CD8B2: variants seen among roughly 807,000 people sequenced by gnomAD.
CD8B2 encodes CD8B family member 2.
In CD8B2, 11 loss-of-function variants were observed where a neutral mutation model predicts 23.7. The ratio of observed to expected loss-of-function variants is 0.46; its 90% CI spans 0.29 to 0.77. The LOEUF is 0.77. Ranked by LOEUF, CD8B2 falls within the 30% of genes least tolerant of loss-of-function variation. The pLI is 0.09. For missense variants in CD8B2, 197 were observed against 270.5 expected, an observed-to-expected ratio of 0.73 and a Z score of 1.91; for synonymous variants, 90 against 109.3, an observed-to-expected ratio of 0.82 and a Z score of 1.10.
At chr2:106,516,625 A>G (rs1487437131) in intron 5 of CD8B2, among the ~76,000 whole-genome samples, 2 of 152,146 alleles carry the variant, frequency 1.3e-5, no homozygotes, top group Non-Finnish European at 2.9e-5. Flanking sequence ...CTCTGACACC[A>G]TTATCGCCCT....
chr2:106,517,120 A>C (rs1477965994), intron 5 of CD8B2, among the ~76,000 whole-genome samples: 1 of 151,592 alleles, frequency 6.6e-6, no homozygotes, highest in African/African-American at 2.4e-5. Flanking sequence ...AAATTTTATT[A>C]TTATTTAATT....
chr2:106,494,503 G>A (rs531543682), intron 2 of CD8B2, among the ~76,000 whole-genome samples: 1 of 151,304 alleles, frequency 6.6e-6, no homozygotes, highest in South Asian at 2.1e-4. Context: ...TGACTCTAGA[G>A]TTTAGGTTCA....
intron 1 of CD8B2, 42 bp from the exon 2 acceptor site, chr2:106,490,832 G>A: frequency 6.5e-7 from 1 of 1,548,732 alleles, no homozygotes; most frequent in Non-Finnish European, 8.7e-7. Context: ...CACAGCTGTG[G>A]CTAGGAAAAT....
At chr2:106,539,442 G>A (rs1056310758) in intron 5 of CD8B2, among the ~76,000 whole-genome samples, 9 of 152,044 alleles carry the variant, frequency 5.9e-5, no homozygotes, top group African/African-American at 1.9e-4. Flanking sequence ...TTGTTTCCAC[G>A]CCAAAACATG....
chr2:106,524,904 T>C (rs552772149), intron 5 of CD8B2, among the ~76,000 whole-genome samples: 47 of 152,268 alleles, frequency 3.1e-4, no homozygotes, highest in African/African-American at 1.1e-3. Context: ...GTCCCTCCCA[T>C]ACGCAGCCAG....
chr2:106,495,986 AG>A (rs1325566243), intron 2 of CD8B2, among the ~76,000 whole-genome samples, 186 bp from the exon 3 acceptor site: 2 of 151,898 alleles, frequency 1.3e-5, no homozygotes, highest in Non-Finnish European at 2.9e-5. Context: ...TTTTGTAGAG[AG>A]GGGGTTTCAC....
chr2:106,533,156 C>T (rs149717591), intron 5 of CD8B2, among the ~76,000 whole-genome samples: 4 of 152,202 alleles, frequency 2.6e-5, no homozygotes, highest in African/African-American at 9.7e-5. Flanking sequence ...GTTAAATGTG[C>T]ACCTGTGGTC....
intron 5 of CD8B2, among the ~76,000 whole-genome samples, chr2:106,522,950 C>A (rs994947365): frequency 6.6e-6 from 1 of 152,014 alleles, no homozygotes; most frequent in Non-Finnish European, 1.5e-5. Flanking sequence ...AACTTAGAGA[C>A]CCCCACTTGA....
At chr2:106,500,884 T>G (rs931240743) in intron 3 of CD8B2, among the ~76,000 whole-genome samples, 3 of 151,700 alleles carry the variant, frequency 2.0e-5, no homozygotes, top group Non-Finnish European at 2.9e-5. Flanking sequence ...AGAAGAAAAA[T>G]CATACAAGTT....
In CD8B2 at chr2:106,525,946, T is replaced by A. The variant is rs188162880; in HGVS notation, c.621-18046T>A. On this transcript the variant is annotated intron_variant, in intron 5 of 5. Transcript: ENST00000416057. ...CCAAAGATATAAAATACACTTTTTTTAAAAAAATTACTTGGCCCGGCGTGG... is the reference window on the plus strand; with the variant it reads ...CCAAAGATATAAAATACACTTTTTTAAAAAAAATTACTTGGCCCGGCGTGG... Among the ~76,000 whole-genome samples the A allele has an allele frequency of 4.8e-3, 725 of 152,218 alleles. 3 individuals carry two copies. Among genetic ancestry groups the A allele is most frequent in the African/African-American group, 0.016 (650 of 41,530 alleles).
chr2:106,533,155 G>A (rs1309973320), intron 5 of CD8B2, among the ~76,000 whole-genome samples: 1 of 152,188 alleles, frequency 6.6e-6, no homozygotes, highest in Non-Finnish European at 1.5e-5. Flanking sequence ...AGTTAAATGT[G>A]CACCTGTGGT....
intron 3 of CD8B2, among the ~76,000 whole-genome samples, chr2:106,498,868 T>C (rs1221060275): frequency 6.6e-6 from 1 of 152,122 alleles, no homozygotes; most frequent in East Asian, 1.9e-4. Context: ...GAGAAGGCAC[T>C]GTCCCTGAGG....
At position 106,508,248 on chromosome 2, in the gene CD8B2, C is replaced by A. The variant is rs989050718; in HGVS notation, c.*1308C>A. On this transcript the variant is annotated 3_prime_UTR_variant, in exon 6 of 6. Transcript: ENST00000643224. Reference sequence around the variant, plus strand: ...CAGGTCCAGGGAGAATCCAGCCTCACCTGCTTCTCCTGGCCAGCTCAAGGA... The same window carrying A: ...CAGGTCCAGGGAGAATCCAGCCTCAACTGCTTCTCCTGGCCAGCTCAAGGA... The A allele has an allele frequency of 2.6e-5, 4 of 152,218 alleles. No homozygotes were observed. Among genetic ancestry groups the A allele is most frequent in the Non-Finnish European group, 5.9e-5 (4 of 68,080 alleles). 9.4% of individuals were successfully genotyped at this position (152,218 alleles called of 1,614,324 possible).
chr2:106,538,343 T>C (rs1355104701), intron 5 of CD8B2, among the ~76,000 whole-genome samples: 2 of 152,170 alleles, frequency 1.3e-5, no homozygotes, highest in Non-Finnish European at 2.9e-5. Flanking sequence ...TGAAGAATAT[T>C]CATCTTGTTG....
intron 5 of CD8B2, among the ~76,000 whole-genome samples, chr2:106,525,644 C>T (rs1451796187): frequency 6.6e-6 from 1 of 152,220 alleles, no homozygotes; most frequent in Non-Finnish European, 1.5e-5. Flanking sequence ...CTCCTCTCCC[C>T]TGTCCCTAGC....
At chr2:106,503,160 G>A (rs148591759) in intron 4 of CD8B2, among the ~76,000 whole-genome samples, 119 of 151,650 alleles carry the variant, frequency 7.8e-4, no homozygotes, top group African/African-American at 4.6e-4. Flanking sequence ...ACGGGGAGCC[G>A]GAGGGGAGGC....
At position 106,507,180 on chromosome 2, in the gene CD8B2, T is replaced by C; in HGVS notation, c.*240T>C. 8.2e-6 allele frequency: 11 copies of C among 1,345,642 alleles called. No individual in the cohort carries two copies. Among genetic ancestry groups the C allele is most frequent in the Non-Finnish European group, 1.1e-5 (11 of 1,044,686 alleles). The allele number at this position is 1,345,642 out of a possible 1,614,324, so 83.4% of individuals were successfully genotyped here. A position where few individuals can be genotyped will look rare whatever the true frequency, so the allele number is the denominator to read the frequency against. ...TGCCCCCAGGGCACTTCACAGAGTG[T>C]GCTGGAGGACTGAGTAAGAAATGCT... On this transcript the variant is annotated 3_prime_UTR_variant, in exon 6 of 6. Transcript: ENST00000643224.
intron 5 of CD8B2, among the ~76,000 whole-genome samples, chr2:106,542,432 A>C (rs1246188492): frequency 2.0e-5 from 3 of 152,132 alleles, no homozygotes; most frequent in Non-Finnish European, 4.4e-5. Context: ...TATTTTGTAA[A>C]CTGAAATATA....
At chr2:106,516,286 T>C (rs1196677830) in intron 5 of CD8B2, among the ~76,000 whole-genome samples, 4 of 152,168 alleles carry the variant, frequency 2.6e-5, no homozygotes, top group Non-Finnish European at 5.9e-5. Flanking sequence ...CAAAGGTACT[T>C]ACAAATCCTG....
Sources: allele counts gnomAD v4.1 joint callset (sites outside exome capture counted in the v4.1 genomes callset), GRCh38; gene constraint gnomAD v4.1.1; transcripts MANE v1.5; gene names NCBI Gene and HGNC (gene_info 2026-07-23, HGNC 2026-07-21).